Variants in COLEC11 observed in about 807,000 individuals in gnomAD.
COLEC11 encodes the protein collectin subfamily member 11.
A neutral mutation model predicts 27.3 loss-of-function variants in COLEC11; 20 were observed. That is an observed-to-expected ratio of 0.73 (90% CI 0.51 to 1.06). COLEC11 has a LOEUF of 1.06. Among genes scored for constraint, COLEC11 ranks in the 50% least tolerant of loss-of-function variants. The probability of loss-of-function intolerance (pLI) is 0.00; values close to 1 mark genes in which losing one functional copy is unlikely to be tolerated. For synonymous variants in COLEC11, 163 were observed against 154.7 expected (o/e 1.05, Z -0.40); for missense variants, 310 against 383.0 (o/e 0.81, Z 1.59).
At chr2:3,600,644 C>T (rs1024458515) in intron 1 of COLEC11, among the ~76,000 whole-genome samples, 2 of 152,196 alleles carry the variant, frequency 1.3e-5, no homozygotes, top group African/African-American at 2.4e-5. Context: ...GATGGCGTCC[C>T]CCAGGGGAGG....
Position 3,606,358 on chromosome 2 carries a change from C to T in COLEC11, c.130+1888C>T, listed in dbSNP as rs943065979. The T allele has an allele frequency of 2.4e-5, 21 of 873,420 alleles. No individual in the cohort carries two copies. In the Admixed American group the frequency reaches 3.9e-4, roughly 16 times the overall value. The allele number at this position is 873,420 out of a possible 1,614,324, so 54.1% of individuals were successfully genotyped here. On this transcript the variant is annotated intron_variant, in intron 2 of 6. Transcript: ENST00000349077. ...TCCCAGCTGTCCACGTCCTGGGTCC[C>T]CTGGATGTGCTGTCATTTCCCACAT...
chr2:3,630,402 A>G (rs900782254), intron 3 of COLEC11, among the ~76,000 whole-genome samples: 37 of 152,358 alleles, frequency 2.4e-4, no homozygotes, highest in African/African-American at 7.9e-4. Flanking sequence ...ATGAAGTTCA[A>G]GACACTTTTG....
chr2:3,607,195 A>G (rs1448724793), intron 2 of COLEC11, among the ~76,000 whole-genome samples: 1 of 152,086 alleles, frequency 6.6e-6, no homozygotes, highest in African/African-American at 2.4e-5. Flanking sequence ...GGTGCTTGAG[A>G]TGACATTTAT....
chr2:3,643,688 A>C, intron 6 of COLEC11, 39 bp from the exon 7 acceptor site: 1 of 1,613,176 alleles, frequency 6.2e-7, no homozygotes, highest in Non-Finnish European at 8.5e-7. Context: ...TGTTGCACAC[A>C]TACAAGTGCT....
intron 3 of COLEC11, among the ~76,000 whole-genome samples, chr2:3,622,626 T>C (rs1223728298): frequency 6.6e-6 from 1 of 152,178 alleles, no homozygotes; most frequent in Non-Finnish European, 1.5e-5. Context: ...TAATGGGTTA[T>C]TACAGGAGTG....
At chr2:3,595,900 G>A (rs1661806486) in intron 1 of COLEC11, among the ~76,000 whole-genome samples, 1 of 152,226 alleles carries the variant, frequency 6.6e-6, no homozygotes, top group African/African-American at 2.4e-5. Context: ...ATTTTGGTTT[G>A]ATGGGAAGCA....
intron 5 of COLEC11, chr2:3,641,547 TC>T (rs1665873188): frequency 1.6e-6 from 1 of 629,112 alleles, no homozygotes; most frequent in Non-Finnish European, 2.3e-6. Context: ...TCCATCCACT[TC>T]CCCTGACAGG....
chr2:3,616,932 C>T (rs985642924), intron 3 of COLEC11, among the ~76,000 whole-genome samples: 8 of 152,124 alleles, frequency 5.3e-5, no homozygotes, highest in African/African-American at 1.4e-4. Flanking sequence ...AATAATATTC[C>T]GTTATATATG....
intron 5 of COLEC11, 135 bp downstream of exon 5, chr2:3,640,466 C>A: frequency 1.5e-6 from 1 of 673,404 alleles, no homozygotes; most frequent in Admixed American, 2.1e-5. Context: ...GACACCCACC[C>A]CCGTCACATC....
intron 5 of COLEC11, among the ~76,000 whole-genome samples, chr2:3,642,936 C>T (rs1403749960): frequency 6.6e-6 from 1 of 152,174 alleles, no homozygotes; most frequent in East Asian, 1.9e-4. Context: ...CCTGACATGT[C>T]ACAGGCACCT....
chr2:3,597,919 T>A (rs543273785), intron 1 of COLEC11, among the ~76,000 whole-genome samples: 4 of 152,138 alleles, frequency 2.6e-5, no homozygotes, highest in South Asian at 2.1e-4. Flanking sequence ...TTGTATTTTT[T>A]ATTTTTATTT....
intron 3 of COLEC11, among the ~76,000 whole-genome samples, chr2:3,631,224 C>G (rs1383505625): frequency 6.6e-6 from 1 of 150,908 alleles, no homozygotes; most frequent in Non-Finnish European, 1.5e-5. Context: ...GAGCAAGACT[C>G]TGTATCAAAA....
At chr2:3,600,468 T>A (rs1662137774) in intron 1 of COLEC11, among the ~76,000 whole-genome samples, 1 of 152,040 alleles carries the variant, frequency 6.6e-6, no homozygotes, top group Non-Finnish European at 1.5e-5. Flanking sequence ...GGTGGGAGGA[T>A]CCCCTGAGCC....
intron 3 of COLEC11, among the ~76,000 whole-genome samples, chr2:3,627,488 C>T (rs546728221): frequency 5.4e-5 from 8 of 147,250 alleles, no homozygotes; most frequent in East Asian, 2.0e-4. Context: ...ACGATGAGCA[C>T]GACGATGGGG....
intron 1 of COLEC11, among the ~76,000 whole-genome samples, chr2:3,600,527 C>A (rs1248813200): frequency 6.6e-6 from 1 of 152,194 alleles, no homozygotes; most frequent in East Asian, 1.9e-4. Context: ...GCACTCCAGT[C>A]CTGTCCCAAA....
intron 3 of COLEC11, chr2:3,626,172 C>T: frequency 8.6e-7 from 1 of 1,167,602 alleles, no homozygotes; most frequent in Middle Eastern, 1.9e-4. Context: ...CTTCCCATGG[C>T]CACATGGCTT....
chr2:3,610,316 G>A (rs530967484), intron 2 of COLEC11, among the ~76,000 whole-genome samples: 1 of 152,334 alleles, frequency 6.6e-6, no homozygotes. Context: ...TTCTTAAGCA[G>A]TATGAGAAGA....
chr2:3,631,170 G>T (rs1187135646), intron 3 of COLEC11, among the ~76,000 whole-genome samples: 1 of 151,912 alleles, frequency 6.6e-6, no homozygotes, highest in East Asian at 1.9e-4. Context: ...GGCAGAGGTT[G>T]CAGTGAGCCA....
At chr2:3,613,584 G>A (rs1382039518) in intron 3 of COLEC11, among the ~76,000 whole-genome samples, 5 of 152,162 alleles carry the variant, frequency 3.3e-5, no homozygotes, top group African/African-American at 9.7e-5. Context: ...GTGCTGACCT[G>A]TGGGGCTCTA....
Sources: allele counts gnomAD v4.1 joint callset (sites outside exome capture counted in the v4.1 genomes callset), GRCh38; gene constraint gnomAD v4.1.1; transcripts MANE v1.5; gene names NCBI Gene and HGNC (gene_info 2026-07-23, HGNC 2026-07-21).